Variants in ITPRID2 observed in about 807,000 individuals in gnomAD.
ITPRID2 encodes the protein protein ITPRID2.
Under a neutral mutation model 124.3 loss-of-function variants are expected in ITPRID2, and 60 were observed. The observed-to-expected ratio is 0.48, with a 90% confidence interval of 0.39 to 0.60. The LOEUF (loss-of-function observed/expected upper bound fraction) is 0.60. ITPRID2 is among the 20% of genes least tolerant of loss of function. The pLI, the probability that ITPRID2 is intolerant of heterozygous loss-of-function variation, is 0.00. For synonymous variants in ITPRID2, 521 were observed against 542.9 expected, an observed-to-expected ratio of 0.96 and a Z score of 0.56; for missense variants, 1,553 against 1,512.2, an observed-to-expected ratio of 1.03 and a Z score of -0.45.
chr2:181,916,085 T>C lies in ITPRID2; in HGVS notation c.2445T>C (p.Ser815=). The C allele has an allele frequency of 6.2e-7, 1 of 1,614,076 alleles. No homozygotes were observed. The highest frequency in any genetic ancestry group is 1.1e-5 in the South Asian group (1 of 91,064). Residue 815 remains serine (S), a synonymous_variant, in exon 11 of 18, where the codon AGT becomes AGC. Transcript: ENST00000431877. ...SSVKKEEAPQ[S]EAPRVEECHH... ...TGAAGAAAGAAGAAGCCCCCCAGAG[T>C]GAGGCGCCGCGGGTGGAGGAATGCC...
In ITPRID2 at chr2:181,910,914, G is replaced by A. The variant is rs1693556055; in HGVS notation, c.1486+943G>A. ...TCCCCTTGTAAGTTCATAAATTTAT[G>A]TATGTGTTTCTGAGCTGAGTTCATG... On this transcript the variant is annotated intron_variant, in intron 9 of 17. Transcript: ENST00000431877. The surrounding 1 kb of genome is among the most constrained non-coding windows in gnomAD (Gnocchi z 4.1). Among the ~76,000 whole-genome samples the A allele has an allele frequency of 6.6e-6, 1 of 152,116 alleles. No individual in the cohort carries two copies. The highest frequency in any genetic ancestry group is 2.4e-5 in the African/African-American group (1 of 41,446).
At chr2:181,924,387 A>T (rs1694700187) in intron 16 of ITPRID2, among the ~76,000 whole-genome samples, 1 of 152,184 alleles carries the variant, frequency 6.6e-6, no homozygotes, top group Admixed American at 6.5e-5. Flanking sequence ...TAACCTTTTT[A>T]CCTAAATACA....
chr2:181,927,421 C>CCAAA (rs1321223327), intron 16 of ITPRID2, among the ~76,000 whole-genome samples: 9 of 152,156 alleles, frequency 5.9e-5, no homozygotes, highest in Admixed American at 5.9e-4. Flanking sequence ...AGTGTTTGGA[C>CCAAA]ACCTGTAGAA....
Position 181,900,702 on chromosome 2 carries a change from A to T in ITPRID2, c.510A>T (p.Ser170=). Residue 170 remains serine, a synonymous_variant, in exon 7 of 18, where the codon TCA becomes TCT. Transcript: ENST00000431877. ...GKSSGTVSSV[S]ELLELYEEDP... ...TTGCCCCCTTTTTTTGTAGTGTTTC[A>T]GAATTGTTGGAACTTTATGAGGAAG... is the stretch of plus-strand genomic sequence containing the variant. The T allele has an allele frequency of 6.3e-7, 1 of 1,599,788 alleles. No individual in the cohort carries two copies. The highest frequency in any genetic ancestry group is 8.5e-7 in the Non-Finnish European group (1 of 1,174,768).
At chr2:181,894,674 A>G (rs2125059086) in intron 2 of ITPRID2, 1 of 152,306 alleles carries the variant, frequency 6.6e-6, no homozygotes, top group Admixed American at 6.5e-5. Flanking sequence ...TCCTGAATAA[A>G]GATACCGTGT....
rs145654501 is a variant in ITPRID2, at chr2:181,900,205, C to G, written c.504-491C>G. On this transcript the variant is annotated intron_variant, in intron 6 of 17. Transcript: ENST00000431877. The stretch of plus-strand genomic sequence containing the variant: ...AGAAGTTGAAAGTAAGCTCCTCCCT[C>G]GCTTCTCTGAAATCAGCTTGTTATC... Among the ~76,000 whole-genome samples, 143 of 152,302 alleles carry G rather than the reference C, an allele frequency of 9.4e-4. 2 individuals are homozygous for G. The East Asian group carries it at 0.025, about 26-fold the overall frequency.
chr2:181,916,927 C>T (rs182769081), intron 11 of ITPRID2: 63 of 993,026 alleles, frequency 6.3e-5, no homozygotes, highest in Middle Eastern at 5.2e-4. Context: ...TACTGACCCT[C>T]GATGCTGTGC....
intron 16 of ITPRID2, among the ~76,000 whole-genome samples, chr2:181,922,616 A>G (rs1435751228): frequency 6.6e-6 from 1 of 152,226 alleles, no homozygotes; most frequent in Non-Finnish European, 1.5e-5. Context: ...TTCATACTCT[A>G]ATGTGAAATA....
chr2:181,917,929 CT>C (rs113777056), intron 11 of ITPRID2: 2 of 152,028 alleles, frequency 1.3e-5, no homozygotes, highest in Non-Finnish European at 1.5e-5. Context: ...CTATAAGCCA[CT>C]TTTTTTTAAC....
chr2:181,902,322 A>T lies in ITPRID2; in HGVS notation c.1269A>T (p.Ile423=). Residue 423 remains isoleucine (I), a synonymous_variant, in exon 8 of 18, where the codon ATA becomes ATT. Coordinates refer to ENST00000431877, the MANE Select transcript of ITPRID2 (RefSeq NM_001130445.3). The surrounding 1 kb of genome is among the most constrained non-coding windows in gnomAD (Gnocchi z 4.4). Reference sequence around the variant, plus strand: ...CCAAATTAGATAGTGATTTCAACATATCCAGCCACAGTGAGCTGGAAAATA... The same window carrying T: ...CCAAATTAGATAGTGATTTCAACATTTCCAGCCACAGTGAGCTGGAAAATA... ...VESKLDSDFN[I]SSHSELENSS... 1 of 1,613,948 alleles carries T rather than the reference A, an allele frequency of 6.2e-7. No homozygotes were observed. Among genetic ancestry groups the T allele is most frequent in the Non-Finnish European group, 8.5e-7 (1 of 1,179,882 alleles).
At position 181,915,821 on chromosome 2, in the gene ITPRID2, T is replaced by A; in HGVS notation, c.2181T>A (p.Phe727Leu). Residue 727 changes from phenylalanine to leucine, a missense_variant, in exon 11 of 18, where the codon TTT becomes TTA. Transcript: ENST00000431877. ...SKDLLKQRYL[F>L]AKAGYPLRRS... Reference sequence around the variant, plus strand: ...ATTTGTTAAAACAAAGGTACTTATTTGCAAAAGCTGGCTATCCTCTAAGAA... The same window carrying A: ...ATTTGTTAAAACAAAGGTACTTATTAGCAAAAGCTGGCTATCCTCTAAGAA... 6.2e-7 allele frequency: 1 copy of A among 1,614,202 alleles called. No individual in the cohort carries two copies. Among genetic ancestry groups the A allele is most frequent in the Non-Finnish European group, 8.5e-7 (1 of 1,180,048 alleles).
chr2:181,919,671 A>T lies in ITPRID2; in HGVS notation c.3144+225A>T, dbSNP rs1694340379. Among the ~76,000 whole-genome samples the T allele has an allele frequency of 6.6e-6, 1 of 152,218 alleles. No individual in the cohort carries two copies. The highest frequency in any genetic ancestry group is 6.5e-5 in the Admixed American group (1 of 15,288). The stretch of plus-strand genomic sequence containing the variant: ...TTGAAAATTTTTAATGATAAATTTT[A>T]ATAACAGGAAAGAATAAGGGCTTAT... On this transcript the variant is annotated intron_variant, in intron 14 of 17. Transcript: ENST00000431877. The surrounding 1 kb of genome is among the most constrained non-coding windows in gnomAD (Gnocchi z 4.2).
intron 8 of ITPRID2, among the ~76,000 whole-genome samples, chr2:181,903,498 T>C (rs1692847202): frequency 6.6e-6 from 1 of 152,110 alleles, no homozygotes; most frequent in Non-Finnish European, 1.5e-5. Flanking sequence ...CTTAGGTGAG[T>C]GTCTCTCTCT....
chr2:181,930,152 T>A lies in ITPRID2; in HGVS notation c.*605T>A, dbSNP rs1695174538. 6.5e-6 allele frequency: 1 copy of A among 152,708 alleles called. No individual in the cohort carries two copies. The highest frequency in any genetic ancestry group is 2.1e-4 in the South Asian group (1 of 4,838). 9.5% of individuals were successfully genotyped at this position (152,708 alleles called of 1,614,324 possible). A position where few individuals can be genotyped will look rare whatever the true frequency, so the allele number is the denominator to read the frequency against. On this transcript the variant is annotated 3_prime_UTR_variant, in exon 18 of 18. Coordinates refer to ENST00000431877, the MANE Select transcript of ITPRID2 (RefSeq NM_001130445.3). ...TACTTACACTGTAAGCCTTGTTGCT[T>A]TACCCAAGACAAATGTAATTTTATC...
chr2:181,892,331 C>A lies in ITPRID2; in HGVS notation c.211+54C>A. The A allele has an allele frequency of 6.7e-7, 1 of 1,486,116 alleles. No homozygotes were observed. The highest frequency in any genetic ancestry group is 9.0e-7 in the Non-Finnish European group (1 of 1,115,248). 92.1% of individuals were successfully genotyped at this position (1,486,116 alleles called of 1,614,324 possible). On this transcript the variant is annotated intron_variant, in intron 1 of 17. Transcript: ENST00000431877. The surrounding 1 kb of genome is among the most constrained non-coding windows in gnomAD (Gnocchi z 5.2). ...GAGGCTGGTGGGCTGGGGAGAGTCT[C>A]GTGCGCCCTGGGCGCCTGCCACGAG...
At position 181,930,588 on chromosome 2, in the gene ITPRID2, G is replaced by T. The variant is rs1695204740; in HGVS notation, c.*1041G>T. On this transcript the variant is annotated 3_prime_UTR_variant, in exon 18 of 18. Transcript: ENST00000431877. ...TTTTCAACTCCTATTGTGTTTCTTT[G>T]TGTGTGATATTTTAATCAAAAGTGG... 1 of 152,418 alleles carries T rather than the reference G, an allele frequency of 6.6e-6. No homozygotes were observed. Among genetic ancestry groups the T allele is most frequent in the Non-Finnish European group, 1.5e-5 (1 of 67,964 alleles). The allele number at this position is 152,418 out of a possible 1,614,324, so 9.4% of individuals were successfully genotyped here.
rs1693053378 is a variant in ITPRID2 at position 181,905,668 on chromosome 2, TATAC to T, written c.1413+3204_1413+3207del. On this transcript the variant is annotated intron_variant, in intron 8 of 17. Transcript: ENST00000431877. The surrounding 1 kb of genome is among the most constrained non-coding windows in gnomAD (Gnocchi z 4.1). The stretch of plus-strand genomic sequence containing the variant: ...TTATTTAAATATAACCATTATTGGA[TATAC>T]ACATAATCTTTTTTAAGCTACTGAT... Among the ~76,000 whole-genome samples, 1 of 152,250 alleles carries T rather than the reference TATAC, an allele frequency of 6.6e-6. No homozygotes were observed. The highest frequency in any genetic ancestry group is 6.5e-5 in the Admixed American group (1 of 15,284).
chr2:181,908,708 A>G (rs1693353190), intron 8 of ITPRID2, among the ~76,000 whole-genome samples: 1 of 152,216 alleles, frequency 6.6e-6, no homozygotes, highest in Non-Finnish European at 1.5e-5. Context: ...GCAAATTTTA[A>G]ATTGGGTAAT....
At chr2:181,920,231 A>G (rs1411915983) in intron 14 of ITPRID2, among the ~76,000 whole-genome samples, 1 of 152,232 alleles carries the variant, frequency 6.6e-6, no homozygotes, top group Non-Finnish European at 1.5e-5. Context: ...AGTAGAATAA[A>G]CAATGGTGTA....
Sources: gnomAD v4.1 joint callset for allele counts (sites outside exome capture counted in the v4.1 genomes callset) on GRCh38, gnomAD v4.1.1 for gene constraint, Gnocchi (gnomAD v3.1) non-coding constraint, MANE v1.5 for transcripts, NCBI Gene and HGNC (gene_info 2026-07-23, HGNC 2026-07-21) for gene names.